TRIP12: variants seen among roughly 807,000 people sequenced by gnomAD.
TRIP12 encodes thyroid hormone receptor interactor 12.
In TRIP12, 25 loss-of-function variants were observed where a neutral mutation model predicts 244.2. The observed-to-expected ratio is 0.10, with a 90% CI of 0.07 to 0.14. The LOEUF (loss-of-function observed/expected upper bound fraction) is 0.14. Ranked by LOEUF, TRIP12 falls within the 10% of genes least tolerant of loss-of-function variation. The pLI, the probability that TRIP12 is intolerant of heterozygous loss-of-function variation, is 1.00. For missense variants in TRIP12, 1,677 were observed against 2,486.4 expected (o/e 0.67, Z 6.92); for synonymous variants, 905 against 873.1 (o/e 1.04, Z -0.64).
intron 33 of TRIP12, 63 bp from the exon 34 acceptor site, chr2:229,785,918 G>A: frequency 7.0e-7 from 1 of 1,426,236 alleles, no homozygotes; most frequent in Non-Finnish European, 9.5e-7. Flanking sequence ...TAATAAACAG[G>A]TGGCATTTCT....
At position 229,767,616 on chromosome 2, in the gene TRIP12, T is replaced by C; in HGVS notation, c.6142A>G (p.Ile2048Val). ...GCTATCAACAGTTTTTCACGCATTA[T>C]CTCAATGCTTGAATAGTCCGGCAAC... ...LKLPDYSSIE[I>V]MREKLLIAAR... The change falls in exon 42 of 42, where the codon ATA becomes GTA. Residue 2048 changes from isoleucine (I) to valine (V), a missense_variant. Around this residue, in one of 11 missense-constraint regions of TRIP12, gnomAD observed 171 missense variants for 388.4 expected, o/e 0.44. Transcript: ENST00000675903. 1.2e-6 allele frequency: 2 copies of C among 1,614,120 alleles called. No homozygotes were observed. The highest frequency in any genetic ancestry group is 1.7e-6 in the Non-Finnish European group (2 of 1,179,990).
chr2:229,887,313 C>T (rs370982385), intron 1 of TRIP12, among the ~76,000 whole-genome samples: 6 of 152,266 alleles, frequency 3.9e-5, no homozygotes, highest in African/African-American at 1.4e-4. Context: ...TGAGGATGAC[C>T]AGTCACTTCT....
At chr2:229,794,239 G>GT (rs1470060908) in intron 26 of TRIP12, among the ~76,000 whole-genome samples, 1 of 152,040 alleles carries the variant, frequency 6.6e-6, no homozygotes, top group African/African-American at 2.4e-5. Flanking sequence ...TTCAAACAAA[G>GT]TTTTTTAAAT....
chr2:229,796,261 T>C (rs1344953697), intron 25 of TRIP12, among the ~76,000 whole-genome samples: 1 of 152,228 alleles, frequency 6.6e-6, no homozygotes, highest in East Asian at 1.9e-4. Flanking sequence ...AAGGAACTAA[T>C]ACAAACTTCA....
At chr2:229,856,991 T>TA (rs780302762) in intron 4 of TRIP12, among the ~76,000 whole-genome samples, 23 of 152,240 alleles carry the variant, frequency 1.5e-4, no homozygotes, top group Admixed American at 3.9e-4. Context: ...ATATAGTACC[T>TA]ACTATTAATA....
At chr2:229,845,481 T>C (rs925858080) in intron 4 of TRIP12, among the ~76,000 whole-genome samples, 4 of 152,064 alleles carry the variant, frequency 2.6e-5, no homozygotes, top group Non-Finnish European at 5.9e-5. Context: ...AGGCCTAAAA[T>C]ATTTACTATA....
intron 1 of TRIP12, among the ~76,000 whole-genome samples, chr2:229,902,212 C>T (rs1052030001): frequency 6.6e-6 from 1 of 151,966 alleles, no homozygotes; most frequent in South Asian, 2.1e-4. Context: ...AGTGAAACCC[C>T]GCCTCTGCTA....
At chr2:229,767,831 G>T in intron 41 of TRIP12, 81 bp from the exon 42 acceptor site, 1 of 1,350,174 alleles carries the variant, frequency 7.4e-7, no homozygotes, top group Non-Finnish European at 1.0e-6. Flanking sequence ...CTGCTTTGCC[G>T]TACAATATTA....
chr2:229,783,363 T>G (rs1308806169), intron 34 of TRIP12, among the ~76,000 whole-genome samples: 1 of 152,208 alleles, frequency 6.6e-6, no homozygotes, highest in South Asian at 2.1e-4. Flanking sequence ...AAATATTTAC[T>G]ATCTGGTCCT....
At chr2:229,918,400 C>A (rs1577224589) in intron 1 of TRIP12, among the ~76,000 whole-genome samples, 1 of 152,260 alleles carries the variant, frequency 6.6e-6, no homozygotes, top group East Asian at 1.9e-4. Flanking sequence ...CAAAAAGATC[C>A]CTACCCATCC....
chr2:229,832,277 T>C (rs1410973738), intron 6 of TRIP12, among the ~76,000 whole-genome samples: 1 of 152,266 alleles, frequency 6.6e-6, no homozygotes, highest in Non-Finnish European at 1.5e-5. Flanking sequence ...AGAACATAGC[T>C]GTACTCATTC....
At chr2:229,806,350 G>C (rs2045875988) in intron 17 of TRIP12, among the ~76,000 whole-genome samples, 1 of 150,050 alleles carries the variant, frequency 6.7e-6, no homozygotes, top group African/African-American at 2.5e-5. Context: ...ATTAAACAAA[G>C]ATAACTTTAA....
intron 2 of TRIP12, among the ~76,000 whole-genome samples, chr2:229,874,522 A>G (rs1044097080): frequency 6.6e-6 from 1 of 152,212 alleles, no homozygotes; most frequent in Non-Finnish European, 1.5e-5. Context: ...CCAAATTTAA[A>G]TCATGGGCTT....
chr2:229,894,001 C>T (rs771799884), intron 1 of TRIP12, among the ~76,000 whole-genome samples: 1 of 152,030 alleles, frequency 6.6e-6, no homozygotes, highest in Admixed American at 6.6e-5. Flanking sequence ...GCTAAAAATA[C>T]AAAAAGTGGC....
chr2:229,774,196 T>G lies in TRIP12; in HGVS notation c.5595A>C (p.Leu1865=). ...ACCCTGGCAGAGTGAAATCCAGTCC[T>G]AGATCTTCAACTGAGCAGCCATTCA... is the stretch of plus-strand genomic sequence containing the variant. ...LTMNGCSVED[L]GLDFTLPGFP... Residue 1865 remains leucine (L), a synonymous_variant, in exon 38 of 42, where the codon CTA becomes CTC. Coordinates refer to ENST00000675903, the MANE Select transcript of TRIP12 (RefSeq NM_001348323.3). 1 of 1,614,184 alleles carries G rather than the reference T, an allele frequency of 6.2e-7. No individual in the cohort carries two copies. The highest frequency in any genetic ancestry group is 8.5e-7 in the Non-Finnish European group (1 of 1,180,024).
intron 7 of TRIP12, 22 bp from the exon 8 acceptor site, chr2:229,829,310 A>C (rs746320178): frequency 5.6e-6 from 9 of 1,596,628 alleles, no homozygotes; most frequent in Non-Finnish European, 7.7e-6. Flanking sequence ...AGAAGGGCAG[A>C]GTGAACAACT....
chr2:229,855,390 AC>A (rs2059418714), intron 4 of TRIP12, among the ~76,000 whole-genome samples: 1 of 152,216 alleles, frequency 6.6e-6, no homozygotes, highest in South Asian at 2.1e-4. Flanking sequence ...AATACATGCT[AC>A]TTTGTTTTGA....
At chr2:229,809,427 A>G (rs912951439) in intron 15 of TRIP12, among the ~76,000 whole-genome samples, 2 of 152,230 alleles carry the variant, frequency 1.3e-5, no homozygotes, top group African/African-American at 4.8e-5. Context: ...AACATGTGGT[A>G]AACTGCCTGG....
At chr2:229,825,055 T>G (rs2154293587) in intron 8 of TRIP12, among the ~76,000 whole-genome samples, 1 of 152,290 alleles carries the variant, frequency 6.6e-6, no homozygotes, top group East Asian at 1.9e-4. Context: ...ACACATTAAT[T>G]TTAACACAAA....
Sources: gnomAD v4.1 joint callset for allele counts (sites outside exome capture counted in the v4.1 genomes callset) on GRCh38, gnomAD v4.1.1 for gene constraint, gnomAD v4.1.1 regional missense constraint, MANE v1.5 for transcripts, NCBI Gene and HGNC (gene_info 2026-07-23, HGNC 2026-07-21) for gene names.